The following FRMD4A variants were observed in gnomAD, a reference collection of about 807,000 sequenced individuals.
FRMD4A encodes FERM domain-containing protein 4A.
A neutral mutation model predicts 129.1 loss-of-function variants in FRMD4A; 29 were observed. The observed-to-expected ratio is 0.22, with a 90% CI of 0.17 to 0.31. The LOEUF (loss-of-function observed/expected upper bound fraction) is 0.31. FRMD4A is among the 10% of genes least tolerant of loss of function. The pLI, the probability that FRMD4A is intolerant of heterozygous loss-of-function variation, is 1.00. For synonymous variants in FRMD4A, 634 were observed against 571.6 expected (o/e 1.11, Z -1.56); for missense variants, 1,272 against 1,375.8 (o/e 0.92, Z 1.19).
chr10:13,911,801 A>G (rs11258719), intron 2 of FRMD4A, among the ~76,000 whole-genome samples: 7,341 of 152,158 alleles, frequency 0.048, 250 homozygotes, highest in Middle Eastern at 0.092. Context: ...AGCTCAGGTA[A>G]TCCACCTGCC....
intron 2 of FRMD4A, chr10:14,327,085 C>G (rs1361109247): frequency 2.5e-6 from 1 of 397,498 alleles, no homozygotes; most frequent in Non-Finnish European, 4.4e-6. Context: ...CACCTGGGAC[C>G]CCTCCCAGCT....
rs150808771 is a variant in FRMD4A at position 13,848,200 on chromosome 10, T to C, written c.111+10647A>G. On this transcript the variant is annotated intron_variant, in intron 3 of 24. Coordinates refer to ENST00000357447, the MANE Select transcript of FRMD4A (RefSeq NM_018027.5). ...GCACAGAGTCTCCTATGGGGCACCA[T>C]AGAGAGGACATGGAAAGGATTTTGT... 2.3e-3 allele frequency among the ~76,000 whole-genome samples: 351 copies of C among 152,108 alleles called. 3 individuals carry two copies. The highest frequency in any genetic ancestry group is 8.0e-3 in the African/African-American group (333 of 41,488).
At chr10:14,190,950 G>A (rs968452307) in intron 2 of FRMD4A, among the ~76,000 whole-genome samples, 1 of 152,194 alleles carries the variant, frequency 6.6e-6, no homozygotes, top group East Asian at 1.9e-4. Flanking sequence ...TGTGAAACAT[G>A]GGTGGGAATT....
At chr10:13,748,102 C>T (rs2130635721) in intron 8 of FRMD4A, among the ~76,000 whole-genome samples, 1 of 152,274 alleles carries the variant, frequency 6.6e-6, no homozygotes, top group East Asian at 1.9e-4. Flanking sequence ...CACTGAAGGG[C>T]ACAGAGTGAA....
At position 14,274,189 on chromosome 10, in the gene FRMD4A, G is replaced by A. The variant is rs140413070; in HGVS notation, c.45+55869C>T. On this transcript the variant is annotated intron_variant, in intron 2 of 24. Transcript: ENST00000357447. ...CAGTCAGAGAGGTGCCAGGCAGGCC[G>A]CCACTGGCCATCATCTCAGGCCTGG... 5.1e-4 allele frequency among the ~76,000 whole-genome samples: 77 copies of A among 152,278 alleles called. 2 individuals carry two copies. Among genetic ancestry groups the A allele is most frequent in the African/African-American group, 1.8e-3 (74 of 41,562 alleles).
At chr10:14,165,400 A>C (rs1035265366) in intron 2 of FRMD4A, among the ~76,000 whole-genome samples, 1 of 152,234 alleles carries the variant, frequency 6.6e-6, no homozygotes, top group Admixed American at 6.5e-5. Flanking sequence ...TGGAATGCCT[A>C]TACACTGTTA....
chr10:14,098,126 T>A (rs1030976940), intron 2 of FRMD4A, among the ~76,000 whole-genome samples: 1 of 145,574 alleles, frequency 6.9e-6, no homozygotes, highest in Non-Finnish European at 1.5e-5. Flanking sequence ...ATATATTATA[T>A]AAAAATTATA....
intron 2 of FRMD4A, among the ~76,000 whole-genome samples, chr10:13,951,079 G>A (rs571961239): frequency 6.6e-6 from 1 of 152,182 alleles, no homozygotes; most frequent in South Asian, 2.1e-4. Context: ...GAGGAAGAAG[G>A]GCAGGCTAGG....
chr10:13,890,617 C>CTGTGAGG, intron 2 of FRMD4A: 1 of 985,400 alleles, frequency 1.0e-6, no homozygotes, highest in Non-Finnish European at 1.2e-6. Context: ...AGAGCAACCC[C>CTGTGAGG]TTTCATCACT....
intron 2 of FRMD4A, among the ~76,000 whole-genome samples, chr10:14,090,201 G>T (rs1201672458): frequency 2.0e-5 from 3 of 152,202 alleles, no homozygotes; most frequent in African/African-American, 7.2e-5. Flanking sequence ...TCTTGCCTGA[G>T]GTCCTGGAGG....
At chr10:13,690,836 C>A (rs12260389) in intron 15 of FRMD4A, among the ~76,000 whole-genome samples, 2 of 151,712 alleles carry the variant, frequency 1.3e-5, no homozygotes, top group African/African-American at 2.4e-5. Context: ...TATTGGTATA[C>A]CGATGCTTAT....
At chr10:13,717,920 T>C (rs2089001295) in intron 12 of FRMD4A, among the ~76,000 whole-genome samples, 1 of 152,106 alleles carries the variant, frequency 6.6e-6, no homozygotes, top group Non-Finnish European at 1.5e-5. Context: ...CCGTGCTTTA[T>C]CACCCATAAC....
chr10:14,103,980 A>T lies in FRMD4A; in HGVS notation c.45+226078T>A, dbSNP rs1177340335. Among the ~76,000 whole-genome samples the T allele has an allele frequency of 2.0e-5, 3 of 152,232 alleles. No homozygotes were observed. In the East Asian group the frequency reaches 5.8e-4, roughly 29 times the overall value. On this transcript the variant is annotated intron_variant, in intron 2 of 24. Coordinates refer to ENST00000357447, the MANE Select transcript of FRMD4A (RefSeq NM_018027.5). Reference sequence around the variant, plus strand: ...CTAAGCTGAAGTCAACCAACTACAGACAAGGTATGGTAAGGTACCAGGTCC... The same window carrying T: ...CTAAGCTGAAGTCAACCAACTACAGTCAAGGTATGGTAAGGTACCAGGTCC...
chr10:14,164,679 C>A (rs1020277492), intron 2 of FRMD4A, among the ~76,000 whole-genome samples: 2 of 152,154 alleles, frequency 1.3e-5, no homozygotes, highest in African/African-American at 4.8e-5. Flanking sequence ...TTTCTCCACT[C>A]ACCATTTCCA....
At chr10:13,922,950 G>A (rs1221697795) in intron 2 of FRMD4A, among the ~76,000 whole-genome samples, 2 of 152,210 alleles carry the variant, frequency 1.3e-5, no homozygotes, top group African/African-American at 4.8e-5. Context: ...AAGCAACTGT[G>A]AGTAGTTCAT....
chr10:14,306,398 C>A (rs919113287), intron 2 of FRMD4A, among the ~76,000 whole-genome samples: 5 of 152,212 alleles, frequency 3.3e-5, no homozygotes, highest in African/African-American at 1.2e-4. Context: ...GAGAAGCCCA[C>A]AGATGCTCCA....
intron 2 of FRMD4A, among the ~76,000 whole-genome samples, chr10:14,312,470 C>T (rs1264880116): frequency 6.6e-6 from 1 of 152,040 alleles, no homozygotes; most frequent in Non-Finnish European, 1.5e-5. Flanking sequence ...AATGATATAC[C>T]TTTGATCCAG....
In FRMD4A at chr10:13,858,858, G is replaced by C. The variant is rs770801732; in HGVS notation, c.100C>G (p.Leu34Val). ...CAAAAGCGATTTACCTGTACTAGGA[G>C]TTCCAGCTTCCTGTCATCAAGAAGA... ...VHLLDDRKLE[L>V]LVQPKLLAKE... The change falls in exon 3 of 25, where the codon CTC (leucine) becomes GTC (valine). Residue 34 changes from leucine (L) to valine (V), a missense_variant. By Grantham distance (32) the Leu-to-Val change is conservative. Transcript: ENST00000357447. 1 of 1,599,300 alleles carries C rather than the reference G, an allele frequency of 6.3e-7. No homozygotes were observed. Among genetic ancestry groups the C allele is most frequent in the Admixed American group, 1.7e-5 (1 of 59,996 alleles).
intron 2 of FRMD4A, among the ~76,000 whole-genome samples, chr10:13,956,007 T>C (rs1041288068): frequency 6.6e-6 from 1 of 152,226 alleles, no homozygotes; most frequent in Non-Finnish European, 1.5e-5. Flanking sequence ...CTACAGTTGT[T>C]GCAAAGGGAT....
Sources: gnomAD v4.1 joint callset for allele counts (sites outside exome capture counted in the v4.1 genomes callset) on GRCh38, gnomAD v4.1.1 for gene constraint, MANE v1.5 for transcripts, NCBI Gene and HGNC (gene_info 2026-07-23, HGNC 2026-07-21) for gene names.